Variants in SAMM50 observed in about 807,000 individuals in gnomAD.
The protein encoded by SAMM50 is sorting and assembly machinery component 50 homolog.
Under a neutral mutation model 66.9 loss-of-function variants are expected in SAMM50, and 47 were observed. The observed-to-expected ratio is 0.70, with a 90% CI of 0.56 to 0.90. The LOEUF (loss-of-function observed/expected upper bound fraction) is 0.90. Among genes scored for constraint, SAMM50 ranks in the 40% least tolerant of loss-of-function variants. The pLI is 0.00. For synonymous variants in SAMM50, 191 were observed against 214.1 expected, an observed-to-expected ratio of 0.89 and a Z score of 0.94; for missense variants, 535 against 595.3, an observed-to-expected ratio of 0.90 and a Z score of 1.05.
At chr22:43,986,067 G>T (rs1363873213) in intron 12 of SAMM50, among the ~76,000 whole-genome samples, 1 of 52,628 alleles carries the variant, frequency 1.9e-5, no homozygotes, top group Non-Finnish European at 3.0e-5. Context: ...TTTTGAGATG[G>T]AGTCTTGCTC....
chr22:43,970,101 C>T lies in SAMM50; in HGVS notation c.322+1283C>T, dbSNP rs137878105. On this transcript the variant is annotated intron_variant, in intron 4 of 14. Coordinates refer to ENST00000350028, the MANE Select transcript of SAMM50 (RefSeq NM_015380.5). ...ATAGTTTCAGCCAACACTAACAGACCTAAAAGAACAGTGGCTTAGACAAGA... is the reference window on the plus strand; with the variant it reads ...ATAGTTTCAGCCAACACTAACAGACTTAAAAGAACAGTGGCTTAGACAAGA... Among the ~76,000 whole-genome samples the T allele has an allele frequency of 5.8e-4, 88 of 152,260 alleles. No homozygotes were observed. The East Asian group carries it at 0.015, about 27-fold the overall frequency.
chr22:43,976,267 G>A lies in SAMM50; in HGVS notation c.777+84G>A, dbSNP rs2050231420. The A allele has an allele frequency of 2.7e-6, 4 of 1,495,758 alleles. 1 individual carries two copies. The highest frequency in any genetic ancestry group is 1.4e-5 in the African/African-American group (1 of 72,040). The allele number at this position is 1,495,758 out of a possible 1,614,324, so 92.7% of individuals were successfully genotyped here. ...GGGAAAACAGTCTTTGCCAATATCA[G>A]GGCTGACTGAGAAGCGTCACCCAGA... On this transcript the variant is annotated intron_variant, in intron 8 of 14. Transcript: ENST00000350028.
At position 43,972,419 on chromosome 22, in the gene SAMM50, G is replaced by T. The variant is rs545918414; in HGVS notation, c.429+77G>T. The T allele has an allele frequency of 8.9e-5, 69 of 775,292 alleles. 1 individual carries two copies. In the South Asian group the frequency reaches 1.6e-3, roughly 18 times the overall value. The allele number at this position is 775,292 out of a possible 1,614,324, so 48.0% of individuals were successfully genotyped here. On this transcript the variant is annotated intron_variant, in intron 5 of 14. Coordinates refer to ENST00000350028, the MANE Select transcript of SAMM50 (RefSeq NM_015380.5). ...TTTACACTATGACTGCATTCTAAAA[G>T]CTGATGATAGTTTCAAAATTCGGTC...
intron 13 of SAMM50, among the ~76,000 whole-genome samples, chr22:43,989,581 A>AC (rs951088645): frequency 1.7e-4 from 26 of 151,908 alleles, no homozygotes; most frequent in Middle Eastern, 3.4e-3. Flanking sequence ...CGTGATCCAC[A>AC]CCCCCCTTGG....
At chr22:43,961,071 G>A (rs574145446) in intron 1 of SAMM50, among the ~76,000 whole-genome samples, 2 of 152,286 alleles carry the variant, frequency 1.3e-5, no homozygotes, top group Non-Finnish European at 2.9e-5. Flanking sequence ...TTTAGGGAAG[G>A]GCCTGGAAAG....
In SAMM50 at chr22:43,964,426, T is replaced by C. The variant is rs773665057; in HGVS notation, c.133-26T>C. On this transcript the variant is annotated intron_variant, in intron 2 of 14. Coordinates refer to ENST00000350028, the MANE Select transcript of SAMM50 (RefSeq NM_015380.5). The stretch of plus-strand genomic sequence containing the variant: ...TAATCTGTTTGCCTCATGTCATCCC[T>C]AATACTGTCCCTGTGTGACTTTTAG... 3 of 1,309,064 alleles carry C rather than the reference T, an allele frequency of 2.3e-6. No individual in the cohort carries two copies. The African/African-American group carries it at 4.3e-5, about 19-fold the overall frequency. 81.1% of individuals were successfully genotyped at this position (1,309,064 alleles called of 1,614,324 possible).
intron 12 of SAMM50, among the ~76,000 whole-genome samples, chr22:43,984,803 T>A (rs1055650755): frequency 6.6e-6 from 1 of 151,840 alleles, no homozygotes; most frequent in Non-Finnish European, 1.5e-5. Flanking sequence ...TAACTTTTTG[T>A]GTATTTTTAG....
intron 14 of SAMM50, among the ~76,000 whole-genome samples, chr22:43,992,613 G>A (rs1218055272): frequency 6.6e-6 from 1 of 152,244 alleles, no homozygotes; most frequent in Non-Finnish European, 1.5e-5. Flanking sequence ...TGTGGCCCGG[G>A]GTGAGTCACA....
rs369200476 is a variant in SAMM50 at position 43,996,264 on chromosome 22, G to T, written c.1365-74G>T. ...GCGGAGGCGGCACCTTCTGAGAGGC[G>T]CATGCTCAGTGAGTCGTGAAGATGG... On this transcript the variant is annotated intron_variant, in intron 14 of 14. Transcript: ENST00000350028. 5,896 of 1,514,348 alleles carry T rather than the reference G, an allele frequency of 3.9e-3. 29 individuals are homozygous for T. The highest frequency in any genetic ancestry group is 3.6e-3 in the Non-Finnish European group (3,907 of 1,089,326). 93.8% of individuals were successfully genotyped at this position (1,514,348 alleles called of 1,614,324 possible).
intron 7 of SAMM50, among the ~76,000 whole-genome samples, chr22:43,974,341 C>T (rs2050220217): frequency 6.6e-6 from 1 of 152,208 alleles, no homozygotes; most frequent in Non-Finnish European, 1.5e-5. Flanking sequence ...GCTGTGCGAC[C>T]TCAGGCAAAT....
chr22:43,957,638 G>GCCCC (rs1375732494), intron 1 of SAMM50, among the ~76,000 whole-genome samples: 2 of 152,140 alleles, frequency 1.3e-5, no homozygotes, highest in Non-Finnish European at 1.5e-5. Flanking sequence ...TGGCCAGGCT[G>GCCCC]GTCTTGAACT....
intron 3 of SAMM50, among the ~76,000 whole-genome samples, chr22:43,968,226 C>CAAAAAAAAAAAAAAAAAAAAAGAAAA (rs2050183982): frequency 1.5e-5 from 1 of 68,648 alleles, no homozygotes; most frequent in Non-Finnish European, 2.8e-5. Flanking sequence ...AACTCTGTCT[C>CAAAAAAAAAAAAAAAAAAAAAGAAAA]AAAAAAAAAA....
chr22:43,987,305 T>C (rs1458125620), intron 12 of SAMM50: 1 of 152,078 alleles, frequency 6.6e-6, no homozygotes, highest in African/African-American at 2.4e-5. Flanking sequence ...CAGTAGGAAA[T>C]GGTCAGATAA....
intron 13 of SAMM50, among the ~76,000 whole-genome samples, 154 bp from the exon 14 acceptor site, chr22:43,990,111 C>G (rs945304630): frequency 6.6e-6 from 1 of 152,196 alleles, no homozygotes; most frequent in Non-Finnish European, 1.5e-5. Flanking sequence ...GACCTGGGTC[C>G]TAATCTCACT....
intron 5 of SAMM50, 107 bp downstream of exon 5, chr22:43,972,449 C>T: frequency 3.3e-6 from 2 of 601,330 alleles, no homozygotes; most frequent in Non-Finnish European, 2.8e-6. Flanking sequence ...TCGGTCATTT[C>T]ATTTACCTTA....
intron 10 of SAMM50, among the ~76,000 whole-genome samples, 154 bp from the exon 11 acceptor site, chr22:43,981,237 C>T (rs763685682): frequency 6.6e-6 from 1 of 152,224 alleles, no homozygotes; most frequent in African/African-American, 2.4e-5. Context: ...AGCTCTGCAA[C>T]GGGACAAGCC....
chr22:43,988,849 CAG>C (rs1321702209), intron 12 of SAMM50: 1 of 345,768 alleles, frequency 2.9e-6, no homozygotes, highest in Non-Finnish European at 5.2e-6. Flanking sequence ...CGATGAATGA[CAG>C]AGTGCATTCC....
At position 43,992,368 on chromosome 22, in the gene SAMM50, G is replaced by A. The variant is rs371050403; in HGVS notation, c.1364+1962G>A. 1.6e-4 allele frequency among the ~76,000 whole-genome samples: 24 copies of A among 152,360 alleles called. No individual in the cohort carries two copies. The South Asian group carries it at 4.6e-3, about 29-fold the overall frequency. On this transcript the variant is annotated intron_variant, in intron 14 of 14. Transcript: ENST00000350028. ...GAAGGCCCTTCAGCATCTGCTCCGC[G>A]TCTGGGGACACGGCAGGGGCTGCCA...
chr22:43,990,144 A>T, intron 13 of SAMM50, 121 bp from the exon 14 acceptor site: 1 of 1,125,994 alleles, frequency 8.9e-7, no homozygotes, highest in Non-Finnish European at 1.3e-6. Flanking sequence ...CCTAATCTCT[A>T]GGCCTGGCTT....
Sources: gnomAD v4.1 joint callset for allele counts (sites outside exome capture counted in the v4.1 genomes callset) on GRCh38, gnomAD v4.1.1 for gene constraint, MANE v1.5 for transcripts, NCBI Gene and HGNC (gene_info 2026-07-23, HGNC 2026-07-21) for gene names.